Variants in FGF12 observed in about 807,000 individuals in gnomAD.
FGF12 encodes the protein fibroblast growth factor 12.
A neutral mutation model predicts 23.6 loss-of-function variants in FGF12; 14 were observed. The observed-to-expected ratio is 0.59, with a 90% CI of 0.39 to 0.93. The LOEUF (loss-of-function observed/expected upper bound fraction) is 0.93, where lower values mean the gene tolerates loss of function less well. FGF12 is among the 40% of genes least tolerant of loss of function. The pLI, the probability that FGF12 is intolerant of heterozygous loss-of-function variation, is 0.00. For missense variants in FGF12, 175 were observed against 217.8 expected (o/e 0.80, Z 1.24); for synonymous variants, 62 against 77.3 (o/e 0.80, Z 1.04).
rs535037737 is a variant in FGF12 at position 192,332,895 on chromosome 3, A to C, written c.228+2466T>G. On this transcript the variant is annotated intron_variant, in intron 4 of 5. Transcript: ENST00000445105. ...TAATGCATACCAGAAACACCTCAGG[A>C]AAGTCAAAGTTAACAGATGACTTTT... 9.9e-5 allele frequency among the ~76,000 whole-genome samples: 15 copies of C among 152,264 alleles called. No individual in the cohort carries two copies. In the South Asian group the frequency reaches 3.1e-3, roughly 32 times the overall value.
intron 4 of FGF12, among the ~76,000 whole-genome samples, chr3:192,260,214 C>T (rs923401393): frequency 5.9e-5 from 9 of 151,832 alleles, no homozygotes; most frequent in African/African-American, 2.2e-4. Flanking sequence ...CTACAAGATA[C>T]CATACCAGGG....
At chr3:192,566,892 G>A (rs550708108) in intron 2 of FGF12, among the ~76,000 whole-genome samples, 1 of 152,262 alleles carries the variant, frequency 6.6e-6, no homozygotes, top group East Asian at 1.9e-4. Flanking sequence ...AAAGTATAGG[G>A]TACAAGCAGC....
At chr3:192,543,629 G>A (rs1489157344) in intron 2 of FGF12, among the ~76,000 whole-genome samples, 4 of 151,818 alleles carry the variant, frequency 2.6e-5, no homozygotes, top group African/African-American at 9.7e-5. Flanking sequence ...CTCACCTGAA[G>A]CCAGCATGTC....
At chr3:192,312,112 G>A (rs998001170) in intron 4 of FGF12, among the ~76,000 whole-genome samples, 1 of 151,906 alleles carries the variant, frequency 6.6e-6, no homozygotes, top group Non-Finnish European at 1.5e-5. Flanking sequence ...CCATTCTGTG[G>A]ATTGATTTTT....
At chr3:192,579,487 T>A (rs1713044790) in intron 2 of FGF12, among the ~76,000 whole-genome samples, 1 of 152,206 alleles carries the variant, frequency 6.6e-6, no homozygotes, top group African/African-American at 2.4e-5. Context: ...CATGAAAATA[T>A]CCCCTGGAGG....
chr3:192,320,195 C>G (rs1577350173), intron 4 of FGF12, among the ~76,000 whole-genome samples: 2 of 152,056 alleles, frequency 1.3e-5, no homozygotes, highest in South Asian at 2.1e-4. Context: ...AGGAGTAGCT[C>G]TACATAGATC....
intron 2 of FGF12, among the ~76,000 whole-genome samples, chr3:192,506,525 T>A (rs546213411): frequency 6.6e-6 from 1 of 151,912 alleles, no homozygotes; most frequent in Non-Finnish European, 1.5e-5. Context: ...TGCGCAACAC[T>A]GCAACCAGCT....
intron 4 of FGF12, among the ~76,000 whole-genome samples, chr3:192,293,892 GC>G (rs1377532729): frequency 6.6e-6 from 1 of 152,128 alleles, no homozygotes; most frequent in African/African-American, 2.4e-5. Context: ...TCTGGTAAGT[GC>G]TTGCTCTTCT....
intron 5 of FGF12, among the ~76,000 whole-genome samples, chr3:192,159,663 T>C (rs2108602101): frequency 6.6e-6 from 1 of 152,322 alleles, no homozygotes; most frequent in African/African-American, 2.4e-5. Flanking sequence ...AAAGTAGTCA[T>C]AGAACCTAGG....
chr3:192,659,048 C>A (rs1716554202), intron 2 of FGF12, among the ~76,000 whole-genome samples: 1 of 152,126 alleles, frequency 6.6e-6, no homozygotes, highest in Non-Finnish European at 1.5e-5. Context: ...ACAAATCAGG[C>A]TTGAAAGTCA....
intron 2 of FGF12, among the ~76,000 whole-genome samples, chr3:192,605,668 T>C (rs73056406): frequency 0.017 from 2,539 of 152,196 alleles, 73 homozygotes; most frequent in African/African-American, 0.058. Flanking sequence ...AATAATCTCA[T>C]TTTAAAAAGG....
intron 5 of FGF12, among the ~76,000 whole-genome samples, chr3:192,158,441 T>C (rs1714638729): frequency 6.9e-6 from 1 of 144,990 alleles, no homozygotes; most frequent in Non-Finnish European, 1.5e-5. Context: ...TTTCTTTCTT[T>C]CTTTCTTCTT....
At chr3:192,664,371 T>C (rs1034858289) in intron 2 of FGF12, among the ~76,000 whole-genome samples, 3 of 151,990 alleles carry the variant, frequency 2.0e-5, no homozygotes, top group East Asian at 1.9e-4. Context: ...TCTAGGACCT[T>C]GGCGCTTCTG....
At chr3:192,504,200 T>C (rs965776947) in intron 2 of FGF12, among the ~76,000 whole-genome samples, 1 of 151,840 alleles carries the variant, frequency 6.6e-6, no homozygotes, top group Admixed American at 6.6e-5. Flanking sequence ...GAGTGGAGGG[T>C]GTGGGGAGGG....
chr3:192,216,871 A>G (rs13069032), intron 4 of FGF12, among the ~76,000 whole-genome samples: 1 of 152,362 alleles, frequency 6.6e-6, no homozygotes, highest in Non-Finnish European at 1.5e-5. Context: ...ACTTTATTTC[A>G]CAACAATTTT....
At chr3:192,440,972 G>A (rs763759912) in intron 2 of FGF12, among the ~76,000 whole-genome samples, 1 of 152,172 alleles carries the variant, frequency 6.6e-6, no homozygotes, top group Non-Finnish European at 1.5e-5. Flanking sequence ...TGTAGAAAAT[G>A]CTCTAGGATA....
intron 2 of FGF12, among the ~76,000 whole-genome samples, chr3:192,495,106 A>T (rs1464765921): frequency 6.6e-6 from 1 of 151,926 alleles, no homozygotes; most frequent in Non-Finnish European, 1.5e-5. Flanking sequence ...TGATCCACCC[A>T]CCTCAGCCTC....
At chr3:192,398,651 G>A (rs1208791531) in intron 2 of FGF12, among the ~76,000 whole-genome samples, 1 of 152,144 alleles carries the variant, frequency 6.6e-6, no homozygotes, top group Non-Finnish European at 1.5e-5. Flanking sequence ...CAAAGTGCTG[G>A]AATTACAGGT....
At chr3:192,413,771 T>C (rs1721266774) in intron 2 of FGF12, among the ~76,000 whole-genome samples, 1 of 152,236 alleles carries the variant, frequency 6.6e-6, no homozygotes, top group African/African-American at 2.4e-5. Flanking sequence ...ATCATCTTGC[T>C]CTGAGATCAG....
Sources: gnomAD v4.1 joint callset for allele counts (sites outside exome capture counted in the v4.1 genomes callset) on GRCh38, gnomAD v4.1.1 for gene constraint, MANE v1.5 for transcripts, NCBI Gene and HGNC (gene_info 2026-07-23, HGNC 2026-07-21) for gene names.